Variants in PTPRD observed in about 807,000 individuals in gnomAD.
PTPRD encodes the protein protein tyrosine phosphatase receptor type D.
In PTPRD, 34 loss-of-function variants were observed where a neutral mutation model predicts 214.5. The ratio of observed to expected loss-of-function variants is 0.16; its 90% confidence interval spans 0.12 to 0.21. The LOEUF is 0.21. PTPRD is among the 10% of genes least tolerant of loss of function. The pLI is 1.00. For missense variants in PTPRD, 2,545 were observed against 2,398.7 expected (o/e 1.06, Z -1.27); for synonymous variants, 1,128 against 845.7 (o/e 1.33, Z -5.79).
At chr9:9,818,598 C>A (rs1009697214) in intron 5 of PTPRD, among the ~76,000 whole-genome samples, 1 of 151,876 alleles carries the variant, frequency 6.6e-6, no homozygotes, top group Non-Finnish European at 1.5e-5. Flanking sequence ...GCCATTAGAC[C>A]AATACTAACA....
At chr9:8,331,231 G>C (rs1236881722) in intron 44 of PTPRD, among the ~76,000 whole-genome samples, 1 of 150,064 alleles carries the variant, frequency 6.7e-6, no homozygotes, top group African/African-American at 2.5e-5. Flanking sequence ...AAGAAAGACA[G>C]TTATCAGTGC....
intron 8 of PTPRD, among the ~76,000 whole-genome samples, chr9:9,408,820 G>A (rs898407668): frequency 2.0e-5 from 3 of 151,746 alleles, no homozygotes; most frequent in Admixed American, 1.3e-4. Context: ...GGCACAAAGT[G>A]CGTTCTCAGT....
At chr9:9,590,155 TA>T (rs1325932867) in intron 7 of PTPRD, among the ~76,000 whole-genome samples, 1 of 152,106 alleles carries the variant, frequency 6.6e-6, no homozygotes, top group Non-Finnish European at 1.5e-5. Flanking sequence ...TGACTGTTTC[TA>T]TTTTTTAAAC....
intron 9 of PTPRD, among the ~76,000 whole-genome samples, chr9:9,330,990 G>A (rs191894403): frequency 6.6e-6 from 1 of 151,310 alleles, no homozygotes; most frequent in Admixed American, 6.6e-5. Flanking sequence ...TTAATGAACA[G>A]AGTAAATCTG....
chr9:9,043,796 C>A (rs1177424409), intron 10 of PTPRD, among the ~76,000 whole-genome samples: 1 of 151,868 alleles, frequency 6.6e-6, no homozygotes. Flanking sequence ...CCCAGCTACC[C>A]AGGAGGCTGA....
chr9:10,234,956 A>G (rs2099624158), intron 3 of PTPRD, among the ~76,000 whole-genome samples: 1 of 151,848 alleles, frequency 6.6e-6, no homozygotes. Context: ...GATCATTAAA[A>G]TATTTTAGTG....
intron 8 of PTPRD, among the ~76,000 whole-genome samples, chr9:9,413,346 C>G (rs1486369847): frequency 1.3e-5 from 2 of 150,680 alleles, no homozygotes; most frequent in African/African-American, 4.9e-5. Flanking sequence ...GATCTCCTGA[C>G]CTCATGATCC....
At chr9:10,350,726 A>C (rs1046461377) in intron 2 of PTPRD, among the ~76,000 whole-genome samples, 2 of 152,158 alleles carry the variant, frequency 1.3e-5, no homozygotes, top group Non-Finnish European at 2.9e-5. Context: ...ACAACCTCTC[A>C]AAACAATAAT....
intron 9 of PTPRD, among the ~76,000 whole-genome samples, chr9:9,324,014 T>C (rs1369821223): frequency 6.6e-6 from 1 of 152,192 alleles, no homozygotes; most frequent in Non-Finnish European, 1.5e-5. Flanking sequence ...ACAAAGGACA[T>C]GAGCTCATCC....
intron 2 of PTPRD, among the ~76,000 whole-genome samples, chr9:10,554,096 C>G (rs145679400): frequency 1.3e-5 from 2 of 152,268 alleles, no homozygotes; most frequent in South Asian, 2.1e-4. Context: ...ATGCAAATGT[C>G]CATCCCAAAT....
intron 11 of PTPRD, among the ~76,000 whole-genome samples, chr9:8,946,278 T>A (rs551691447): frequency 2.6e-5 from 4 of 152,136 alleles, no homozygotes; most frequent in Non-Finnish European, 4.4e-5. Context: ...ATAGTAGTCA[T>A]CATGGCTTGA....
chr9:8,655,778 T>C (rs2096897379), intron 12 of PTPRD, among the ~76,000 whole-genome samples: 1 of 151,938 alleles, frequency 6.6e-6, no homozygotes, highest in Admixed American at 6.6e-5. Context: ...CCTTCACCCT[T>C]TTCTTTTATA....
intron 12 of PTPRD, among the ~76,000 whole-genome samples, chr9:8,728,280 G>C (rs887319571): frequency 2.0e-5 from 3 of 152,144 alleles, no homozygotes; most frequent in Non-Finnish European, 4.4e-5. Context: ...ATCATCCCAA[G>C]CAATTTATCT....
intron 12 of PTPRD, among the ~76,000 whole-genome samples, chr9:8,653,185 A>G (rs2096846345): frequency 6.6e-6 from 1 of 152,156 alleles, no homozygotes; most frequent in Non-Finnish European, 1.5e-5. Context: ...GAAAAAGACA[A>G]AAGAGAAATC....
At chr9:10,377,824 G>A (rs1446497477) in intron 2 of PTPRD, among the ~76,000 whole-genome samples, 1 of 152,060 alleles carries the variant, frequency 6.6e-6, no homozygotes, top group South Asian at 2.1e-4. Flanking sequence ...TGGGCACTTA[G>A]GTTGTTTTCA....
At chr9:10,358,233 T>C (rs2097312880) in intron 2 of PTPRD, among the ~76,000 whole-genome samples, 1 of 152,090 alleles carries the variant, frequency 6.6e-6, no homozygotes, top group Non-Finnish European at 1.5e-5. Flanking sequence ...CAGTGTTTTG[T>C]CTTCATCAAA....
chr9:8,959,837 G>C (rs1425630981), intron 11 of PTPRD, among the ~76,000 whole-genome samples: 1 of 152,094 alleles, frequency 6.6e-6, no homozygotes, highest in South Asian at 2.1e-4. Flanking sequence ...CATGTAGACG[G>C]AGTTGCTAAA....
intron 12 of PTPRD, among the ~76,000 whole-genome samples, chr9:8,678,462 T>C (rs1454660774): frequency 2.6e-5 from 4 of 152,200 alleles, no homozygotes; most frequent in Non-Finnish European, 5.9e-5. Context: ...CTCTTGTCTC[T>C]TCTTGATTCA....
chr9:9,988,438 A>C (rs1338093176), intron 4 of PTPRD, among the ~76,000 whole-genome samples: 1 of 152,154 alleles, frequency 6.6e-6, no homozygotes, highest in Non-Finnish European at 1.5e-5. Flanking sequence ...ATGCAGCTCA[A>C]ACTGATTTCC....
Sources: allele counts gnomAD v4.1 joint callset (sites outside exome capture counted in the v4.1 genomes callset), GRCh38; gene constraint gnomAD v4.1.1; transcripts MANE v1.5; gene names NCBI Gene and HGNC (gene_info 2026-07-23, HGNC 2026-07-21).